The following ZNF367 variants were observed in gnomAD, a reference collection of about 807,000 sequenced individuals.
The protein encoded by ZNF367 is C2H2 zinc finger protein ZFF29.
Under a neutral mutation model 31.8 loss-of-function variants are expected in ZNF367, and 11 were observed. That is an observed-to-expected ratio of 0.35 (90% CI 0.22 to 0.57). The LOEUF (loss-of-function observed/expected upper bound fraction) is 0.57. Among genes scored for constraint, ZNF367 ranks in the 20% least tolerant of loss-of-function variants. The probability of loss-of-function intolerance (pLI) is 0.85; values close to 1 mark genes in which losing one functional copy is unlikely to be tolerated. For missense variants in ZNF367, 353 were observed against 484.1 expected (o/e 0.73, Z 2.54); for synonymous variants, 199 against 202.4 (o/e 0.98, Z 0.14).
At chr9:96,407,270 C>G in intron 1 of ZNF367, 1 of 1,436,680 alleles carries the variant, frequency 7.0e-7, no homozygotes, top group Non-Finnish European at 9.8e-7. Context: ...CCTGGCGGCT[C>G]TGCGGCCGTC....
chr9:96,408,558 G>C (rs1433075733), intron 1 of ZNF367, among the ~76,000 whole-genome samples: 4 of 152,144 alleles, frequency 2.6e-5, no homozygotes, highest in Non-Finnish European at 5.9e-5. Context: ...TTACCTATAT[G>C]AGGTATCTGA....
In ZNF367 at chr9:96,417,403, GTCTCCCGCGCCGC is replaced by G. The variant is rs1404199076; in HGVS notation, c.420+197_420+209del. 6.7e-6 allele frequency among the ~76,000 whole-genome samples: 1 copy of G among 149,764 alleles called. No individual in the cohort carries two copies. The highest frequency in any genetic ancestry group is 2.5e-5 in the African/African-American group (1 of 40,322). ...GCCCACTGCACCTGCCGCAAGGACG[GTCTCCCGCGCCGC>G]TCCCGCCTGTCACGTGACAGGCCCC... On this transcript the variant is annotated intron_variant, in intron 1 of 4. Transcript: ENST00000375256. The surrounding 1 kb of genome is among the most constrained non-coding windows in gnomAD (Gnocchi z 5.0).
At chr9:96,400,730 A>G (rs1319936587) in intron 1 of ZNF367, among the ~76,000 whole-genome samples, 1 of 152,218 alleles carries the variant, frequency 6.6e-6, no homozygotes, top group African/African-American at 2.4e-5. Context: ...ACCAACATAC[A>G]TATAACTGGA....
At chr9:96,415,154 A>T (rs976261218) in intron 1 of ZNF367, among the ~76,000 whole-genome samples, 1 of 145,888 alleles carries the variant, frequency 6.9e-6, no homozygotes, top group African/African-American at 2.5e-5. Flanking sequence ...TCCCGGGTTC[A>T]CGCCATTCTC....
Position 96,412,829 on chromosome 9 carries a change from G to A in ZNF367, c.420+4784C>T, listed in dbSNP as rs539529369. 5.9e-5 allele frequency among the ~76,000 whole-genome samples: 9 copies of A among 151,492 alleles called. No homozygotes were observed. The East Asian group carries it at 7.8e-4, about 13-fold the overall frequency. ...TCATGCCTCAGCCTCCCGAGTAGCC[G>A]GGACTATAGGTGTGCACCACCATGC... On this transcript the variant is annotated intron_variant, in intron 1 of 4. Transcript: ENST00000375256.
intron 1 of ZNF367, among the ~76,000 whole-genome samples, chr9:96,400,392 CAAAAAAAAAA>C (rs57650386): frequency 1.4e-5 from 1 of 71,898 alleles, no homozygotes; most frequent in African/African-American, 5.9e-5. Context: ...GACCCTGTCT[CAAAAAAAAAA>C]AAAAAAAAAA....
At chr9:96,388,902 G>C (rs1831436644) in intron 4 of ZNF367, among the ~76,000 whole-genome samples, 1 of 152,098 alleles carries the variant, frequency 6.6e-6, no homozygotes, top group Non-Finnish European at 1.5e-5. Flanking sequence ...CTGTGACACA[G>C]AGTTTATTCA....
In ZNF367 at chr9:96,417,402, G is replaced by T. The variant is rs534394328; in HGVS notation, c.420+211C>A. On this transcript the variant is annotated intron_variant, in intron 1 of 4. Coordinates refer to ENST00000375256, the MANE Select transcript of ZNF367 (RefSeq NM_153695.4). This position sits in a 1 kb window ranked among gnomAD's most constrained non-coding sequence, Gnocchi z 5.0. The stretch of plus-strand genomic sequence containing the variant: ...CGCCCACTGCACCTGCCGCAAGGAC[G>T]GTCTCCCGCGCCGCTCCCGCCTGTC... 6.0e-5 allele frequency among the ~76,000 whole-genome samples: 9 copies of T among 150,066 alleles called. No individual in the cohort carries two copies. The East Asian group carries it at 8.1e-4, about 13-fold the overall frequency.
intron 4 of ZNF367, among the ~76,000 whole-genome samples, chr9:96,391,358 G>A (rs1831469967): frequency 6.6e-6 from 1 of 152,198 alleles, no homozygotes; most frequent in Non-Finnish European, 1.5e-5. Context: ...TGCTGAGCAG[G>A]TCAGGGAGGC....
intron 1 of ZNF367, among the ~76,000 whole-genome samples, chr9:96,408,328 T>G (rs1430553809): frequency 6.6e-6 from 1 of 152,234 alleles, no homozygotes; most frequent in Non-Finnish European, 1.5e-5. Flanking sequence ...TGCAGCATTA[T>G]TCACAATCGA....
chr9:96,398,557 A>C (rs1831562436), intron 1 of ZNF367, among the ~76,000 whole-genome samples: 1 of 152,172 alleles, frequency 6.6e-6, no homozygotes, highest in Non-Finnish European at 1.5e-5. Flanking sequence ...CTTAAGGGAC[A>C]TCAGTAAAAA....
intron 1 of ZNF367, among the ~76,000 whole-genome samples, chr9:96,416,081 T>G (rs10761005): frequency 0.22 from 32,656 of 147,744 alleles, 3,974 homozygotes; most frequent in African/African-American, 0.31. Context: ...GGTTTTTTTT[T>G]TTGTTGTTTT....
In ZNF367 at chr9:96,417,341, T is replaced by G. The variant is rs1831843875; in HGVS notation, c.420+272A>C. ...CCGCCGGGAGGATGTCAGTGGCCGT[T>G]GACCCGGCCTCCCCAGCGACCCCGG... On this transcript the variant is annotated intron_variant, in intron 1 of 4. Transcript: ENST00000375256. The surrounding 1 kb of genome is among the most constrained non-coding windows in gnomAD (Gnocchi z 5.0). Among the ~76,000 whole-genome samples, 1 of 152,076 alleles carries G rather than the reference T, an allele frequency of 6.6e-6. No individual in the cohort carries two copies. Among genetic ancestry groups the G allele is most frequent in the Non-Finnish European group, 1.5e-5 (1 of 67,998 alleles).
At chr9:96,405,536 A>C (rs986031488) in intron 1 of ZNF367, among the ~76,000 whole-genome samples, 1 of 152,138 alleles carries the variant, frequency 6.6e-6, no homozygotes, top group South Asian at 2.1e-4. Flanking sequence ...ACTGTGGAAA[A>C]GTTTGATAGT....
At chr9:96,395,613 T>C (rs1831521957) in intron 2 of ZNF367, among the ~76,000 whole-genome samples, 1 of 152,334 alleles carries the variant, frequency 6.6e-6, no homozygotes, top group East Asian at 1.9e-4. Flanking sequence ...TTGAAAATCC[T>C]ATTTTCTCTG....
chr9:96,417,162 T>A lies in ZNF367; in HGVS notation c.420+451A>T, dbSNP rs1831841316. On this transcript the variant is annotated intron_variant, in intron 1 of 4. Coordinates refer to ENST00000375256, the MANE Select transcript of ZNF367 (RefSeq NM_153695.4). This position sits in a 1 kb window ranked among gnomAD's most constrained non-coding sequence, Gnocchi z 5.0. ...AACAGGCCCAGAAGTCCTTTCTTGC[T>A]CTTCGGCTGTCTCTGCAGGGCATCT... Among the ~76,000 whole-genome samples the A allele has an allele frequency of 6.6e-6, 1 of 152,196 alleles. No homozygotes were observed. The highest frequency in any genetic ancestry group is 2.4e-5 in the African/African-American group (1 of 41,450).
At chr9:96,404,962 G>C (rs1831653435) in intron 1 of ZNF367, among the ~76,000 whole-genome samples, 1 of 152,082 alleles carries the variant, frequency 6.6e-6, no homozygotes, top group Non-Finnish European at 1.5e-5. Flanking sequence ...GACTTGAACA[G>C]ACATTTCTCC....
At chr9:96,410,299 C>T (rs1275588546) in intron 1 of ZNF367, among the ~76,000 whole-genome samples, 2 of 150,780 alleles carry the variant, frequency 1.3e-5, no homozygotes, top group Non-Finnish European at 2.9e-5. Context: ...TGGTGGCTCA[C>T]GCCTGTAATC....
At chr9:96,416,846 C>T (rs1347101816) in intron 1 of ZNF367, among the ~76,000 whole-genome samples, 3 of 152,180 alleles carry the variant, frequency 2.0e-5, no homozygotes, top group Admixed American at 6.5e-5. Context: ...TATAAGTCAG[C>T]AGAAAGTCAC....
Sources: gnomAD v4.1 joint callset for allele counts (sites outside exome capture counted in the v4.1 genomes callset) on GRCh38, gnomAD v4.1.1 for gene constraint, Gnocchi (gnomAD v3.1) non-coding constraint, MANE v1.5 for transcripts, NCBI Gene and HGNC (gene_info 2026-07-23, HGNC 2026-07-21) for gene names.